LAMB3: variants seen among roughly 807,000 people sequenced by gnomAD.
The protein encoded by LAMB3 is laminin subunit beta 3, also known as laminin subunit beta-3.
Under a neutral mutation model 140.3 loss-of-function variants are expected in LAMB3, and 104 were observed. The observed-to-expected ratio is 0.74, with a 90% confidence interval of 0.63 to 0.87. The LOEUF (loss-of-function observed/expected upper bound fraction) is 0.87. LAMB3 is among the 40% of genes least tolerant of loss of function. The pLI is 0.00. For missense variants in LAMB3, 1,531 were observed against 1,575.2 expected, an observed-to-expected ratio of 0.97 and a Z score of 0.47; for synonymous variants, 592 against 602.9, an observed-to-expected ratio of 0.98 and a Z score of 0.26.
rs189149892 is a variant in LAMB3 at position 209,634,414 on chromosome 1, C to T, written c.564+33G>A. The T allele has an allele frequency of 7.5e-6, 12 of 1,604,530 alleles. No homozygotes were observed. In the African/African-American group the frequency reaches 1.3e-4, roughly 18 times the overall value. ...ACAGTGGGACATCAGGGATTTCTCC[C>T]CAGGCCTACTTTTCAGGATTCCCTC... On this transcript the variant is annotated intron_variant, in intron 6 of 22. Transcript: ENST00000356082.
At chr1:209,651,432 G>A (rs552109321) in intron 1 of LAMB3, 1 of 189,984 alleles carries the variant, frequency 5.3e-6, no homozygotes, top group African/African-American at 2.3e-5. Flanking sequence ...CGCCCAAAGT[G>A]AATGAGTCAG....
In LAMB3 at chr1:209,628,192, TGA is replaced by T. The variant is rs760397739; in HGVS notation, c.1133-4_1133-3del. The T allele has an allele frequency of 9.0e-6, 14 of 1,556,012 alleles. No homozygotes were observed. The highest frequency in any genetic ancestry group is 1.2e-5 in the Non-Finnish European group (14 of 1,149,362). On this transcript the variant is annotated splice_region_variant and splice_polypyrimidine_tract_variant and intron_variant, in intron 10 of 22. Coordinates refer to ENST00000356082, the MANE Select transcript of LAMB3 (RefSeq NM_000228.3). ...CCCCATCCGGATCACACTCGCAGGC[TGA>T]GAGACAACAGCAGCCACCGCAGTAG...
intron 3 of LAMB3, among the ~76,000 whole-genome samples, chr1:209,648,809 G>A (rs567405806): frequency 1.3e-5 from 2 of 152,222 alleles, no homozygotes; most frequent in Non-Finnish European, 1.5e-5. Context: ...TAATTTGGAG[G>A]TTATGGGTGG....
chr1:209,647,471 A>G (rs2076528133), intron 3 of LAMB3, among the ~76,000 whole-genome samples: 1 of 152,192 alleles, frequency 6.6e-6, no homozygotes, highest in South Asian at 2.1e-4. Context: ...TTGTCCTTGC[A>G]TTCATGGCAC....
At chr1:209,627,235 G>A (rs140304602) in intron 12 of LAMB3, 148 bp downstream of exon 12, 4 of 712,278 alleles carry the variant, frequency 5.6e-6, no homozygotes, top group African/African-American at 1.8e-5. Flanking sequence ...GGGACATCTG[G>A]TGACTTCCCC....
chr1:209,647,486 G>A (rs1195137080), intron 3 of LAMB3, among the ~76,000 whole-genome samples: 2 of 152,188 alleles, frequency 1.3e-5, no homozygotes, highest in African/African-American at 4.8e-5. Flanking sequence ...TGGCACATCA[G>A]TAGGATGTGG....
chr1:209,616,788 C>T (rs183472599), intron 21 of LAMB3, among the ~76,000 whole-genome samples, 164 bp from the exon 22 acceptor site: 1 of 152,336 alleles, frequency 6.6e-6, no homozygotes, highest in East Asian at 1.9e-4. Context: ...GAGCCACAGA[C>T]TATGACTTAA....
chr1:209,623,778 G>A lies in LAMB3; in HGVS notation c.2138-53C>T. 1 of 1,612,658 alleles carries A rather than the reference G, an allele frequency of 6.2e-7. No homozygotes were observed. The highest frequency in any genetic ancestry group is 8.5e-7 in the Non-Finnish European group (1 of 1,178,818). ...ATGGAGGAGGAGCAGGAGGGAGAGG[G>A]GGTGGCATGCCCACCACGGCAGTGC... On this transcript the variant is annotated intron_variant, in intron 15 of 22. Transcript: ENST00000356082. The surrounding 1 kb of genome is among the most constrained non-coding windows in gnomAD (Gnocchi z 4.2).
chr1:209,632,846 A>G (rs113967586), intron 7 of LAMB3, 70 bp from the exon 8 acceptor site: 2 of 1,469,378 alleles, frequency 1.4e-6, no homozygotes, highest in South Asian at 2.3e-5. Context: ...TTAGAGGCAC[A>G]TAGAGTCTCC....
At chr1:209,647,913 G>T (rs1197292800) in intron 3 of LAMB3, among the ~76,000 whole-genome samples, 1 of 152,170 alleles carries the variant, frequency 6.6e-6, no homozygotes, top group African/African-American at 2.4e-5. Context: ...TATGCTTAAT[G>T]AATTATAATT....
intron 10 of LAMB3, 80 bp from the exon 11 acceptor site, chr1:209,628,270 G>A (rs1666551838): frequency 1.3e-6 from 2 of 1,481,760 alleles, no homozygotes; most frequent in South Asian, 1.2e-5. Context: ...AGGCTGCCTG[G>A]TTCAAATCCT....
At chr1:209,618,694 A>G (rs767384335) in intron 18 of LAMB3, 35 bp from the exon 19 acceptor site, 26 of 1,598,910 alleles carry the variant, frequency 1.6e-5, no homozygotes, top group Non-Finnish European at 2.0e-5. Flanking sequence ...GTAGGAGCCC[A>G]CTAACCTCCC....
chr1:209,632,345 C>T (rs943651891), intron 8 of LAMB3, among the ~76,000 whole-genome samples: 5 of 152,220 alleles, frequency 3.3e-5, no homozygotes, highest in Admixed American at 6.5e-5. Context: ...CTCCCAATTT[C>T]CACACTTATG....
At chr1:209,636,162 T>C (rs183417277) in intron 5 of LAMB3, among the ~76,000 whole-genome samples, 1 of 152,254 alleles carries the variant, frequency 6.6e-6, no homozygotes, top group Admixed American at 6.5e-5. Flanking sequence ...TATTTACTTG[T>C]TGGTTTCTTG....
Position 209,626,922 on chromosome 1 carries a change from T to G in LAMB3, c.1542A>C (p.Ala514=), listed in dbSNP as rs1666480355. ...EGFGGLMCSA[A]AIRQCPDRTY... ...TCCGGTCTGGACACTGGCGGATGGC[T>G]GCAGCGCTGCACATCAGGCCACCAA... The change falls in exon 13 of 23, where the codon GCA becomes GCC. Residue 514 remains alanine, a synonymous_variant. Transcript: ENST00000356082. 1 of 1,613,718 alleles carries G rather than the reference T, an allele frequency of 6.2e-7. No homozygotes were observed. Among genetic ancestry groups the G allele is most frequent in the South Asian group, 1.1e-5 (1 of 91,050 alleles).
rs1233744032 is a variant in LAMB3, at chr1:209,629,761, C to T, written c.1108G>A (p.Ala370Thr). The change falls in exon 10 of 23, where the codon GCT (alanine) becomes ACT (threonine). Residue 370 changes from alanine to threonine, a missense_variant. Transcript: ENST00000356082. ...LHYFRNRRPG[A>T]SIQETCISCE... ...CAGATGCAGGTCTCCTGAATGGAAG[C>T]TCCCGGGCGCCGGTTCCGGAAATAG... 5 of 1,613,976 alleles carry T rather than the reference C, an allele frequency of 3.1e-6. No individual in the cohort carries two copies. Among genetic ancestry groups the T allele is most frequent in the African/African-American group, 1.3e-5 (1 of 74,810 alleles).
intron 3 of LAMB3, among the ~76,000 whole-genome samples, chr1:209,649,128 A>G (rs2076542717): frequency 6.6e-6 from 1 of 152,206 alleles, no homozygotes; most frequent in Non-Finnish European, 1.5e-5. Context: ...CCCAGAGGCC[A>G]TATCAGATAC....
chr1:209,615,539 C>G (rs770802212), intron 22 of LAMB3, 132 bp from the exon 23 acceptor site: 7 of 1,076,836 alleles, frequency 6.5e-6, no homozygotes, highest in Non-Finnish European at 9.0e-6. Context: ...AATCTGGCCT[C>G]TAAAGCAGTG....
chr1:209,633,809 G>A (rs1666784425), intron 6 of LAMB3, among the ~76,000 whole-genome samples: 1 of 152,174 alleles, frequency 6.6e-6, no homozygotes, highest in South Asian at 2.1e-4. Flanking sequence ...TCTCAGCCAG[G>A]GAAAGGAGAA....
Sources: gnomAD v4.1 joint callset for allele counts (sites outside exome capture counted in the v4.1 genomes callset) on GRCh38, gnomAD v4.1.1 for gene constraint, Gnocchi (gnomAD v3.1) non-coding constraint, MANE v1.5 for transcripts, NCBI Gene and HGNC (gene_info 2026-07-23, HGNC 2026-07-21) for gene names.